Variants in PPARGC1A observed in about 807,000 individuals in gnomAD.
PPARGC1A encodes the protein peroxisome proliferator-activated receptor gamma coactivator 1-alpha.
A neutral mutation model predicts 88.7 loss-of-function variants in PPARGC1A; 25 were observed. The ratio of observed to expected loss-of-function variants is 0.28; its 90% CI spans 0.21 to 0.39. The LOEUF (loss-of-function observed/expected upper bound fraction) is 0.39. Ranked by LOEUF, PPARGC1A falls within the 10% of genes least tolerant of loss-of-function variation. The pLI is 1.00. For synonymous variants in PPARGC1A, 363 were observed against 355.6 expected, an observed-to-expected ratio of 1.02 and a Z score of -0.24; for missense variants, 880 against 968.7, an observed-to-expected ratio of 0.91 and a Z score of 1.22.
chr4:24,184,643 T>C, the PPARGC1A span, among the ~76,000 whole-genome samples: 2 of 152,208 alleles, frequency 1.3e-5, no homozygotes, highest in Admixed American at 1.3e-4. Context: ...GTGAAAGTAA[T>C]GATGCTGCTC....
intron 12 of PPARGC1A, among the ~76,000 whole-genome samples, chr4:23,798,824 T>C (rs1268861042): frequency 3.3e-5 from 5 of 152,174 alleles, no homozygotes; most frequent in Admixed American, 6.6e-5. Flanking sequence ...AAATCTGGGC[T>C]TCACTGTTTT....
the PPARGC1A span, among the ~76,000 whole-genome samples, chr4:24,158,557 T>C: frequency 6.6e-6 from 1 of 152,212 alleles, no homozygotes; most frequent in African/African-American, 2.4e-5. Context: ...AATTATATTG[T>C]AATTAGTCTG....
intron 10 of PPARGC1A, among the ~76,000 whole-genome samples, chr4:23,809,497 G>A (rs1720470596): frequency 6.6e-6 from 1 of 151,848 alleles, no homozygotes; most frequent in African/African-American, 2.4e-5. Flanking sequence ...TTCTTTTTTA[G>A]AGACTTAGTA....
At chr4:24,285,951 T>TA in the PPARGC1A span, among the ~76,000 whole-genome samples, 90 of 152,306 alleles carry the variant, frequency 5.9e-4, no homozygotes, top group African/African-American at 1.9e-3. Flanking sequence ...GCGAAACTAT[T>TA]AAGCCACAGT....
the PPARGC1A span, chr4:24,091,572 G>A: frequency 1.6e-5 from 16 of 985,208 alleles, no homozygotes; most frequent in Middle Eastern, 5.2e-4. Context: ...ATTCGCCAGC[G>A]GCTGTTACTC....
At chr4:24,391,449 G>A in the PPARGC1A span, among the ~76,000 whole-genome samples, 5 of 152,064 alleles carry the variant, frequency 3.3e-5, no homozygotes, top group Non-Finnish European at 7.4e-5. Context: ...AACTGAAAAA[G>A]GCTTTGTTGA....
the PPARGC1A span, among the ~76,000 whole-genome samples, chr4:24,284,089 C>A: frequency 2.7e-4 from 41 of 150,102 alleles, no homozygotes; most frequent in African/African-American, 8.4e-4. Context: ...TCAAAACCAG[C>A]CTGGCCAACA....
At chr4:23,805,926 G>A (rs1719724248) in intron 10 of PPARGC1A, among the ~76,000 whole-genome samples, 2 of 152,136 alleles carry the variant, frequency 1.3e-5, no homozygotes, top group Admixed American at 1.3e-4. Context: ...CCCATATGCA[G>A]ACATACTGGG....
intron 12 of PPARGC1A, among the ~76,000 whole-genome samples, chr4:23,799,095 AT>A (rs1718170172): frequency 1.3e-5 from 2 of 152,162 alleles, no homozygotes; most frequent in Non-Finnish European, 2.9e-5. Flanking sequence ...TTGCTTTACT[AT>A]TGTGACATAT....
chr4:24,115,596 C>T, the PPARGC1A span, among the ~76,000 whole-genome samples: 2 of 152,242 alleles, frequency 1.3e-5, no homozygotes, highest in East Asian at 1.9e-4. Context: ...CCATTAAAAT[C>T]GAATGCAAGA....
chr4:24,077,083 A>G, the PPARGC1A span, among the ~76,000 whole-genome samples: 5 of 152,062 alleles, frequency 3.3e-5, no homozygotes, highest in Non-Finnish European at 7.4e-5. Flanking sequence ...AAATCAGACA[A>G]CAGATCAGTT....
chr4:24,272,528 C>G, the PPARGC1A span, among the ~76,000 whole-genome samples: 1 of 152,134 alleles, frequency 6.6e-6, no homozygotes, highest in Admixed American at 6.5e-5. Context: ...AAGAAAAAAT[C>G]TTGTGTGAAA....
the PPARGC1A span, among the ~76,000 whole-genome samples, chr4:24,308,117 C>A: frequency 6.6e-6 from 1 of 151,836 alleles, no homozygotes; most frequent in Non-Finnish European, 1.5e-5. Context: ...CATGATTAAA[C>A]CCCATCTGTA....
At chr4:23,935,451 T>C in the PPARGC1A span, among the ~76,000 whole-genome samples, 30,891 of 152,154 alleles carry the variant, frequency 0.2, 3,973 homozygotes, top group East Asian at 0.38. Flanking sequence ...AGGTACTTTT[T>C]TTCCTAGCTG....
the PPARGC1A span, among the ~76,000 whole-genome samples, chr4:24,166,589 T>G: frequency 6.6e-6 from 1 of 152,184 alleles, no homozygotes; most frequent in Non-Finnish European, 1.5e-5. Flanking sequence ...ATTTACCATT[T>G]CAGAAATCCT....
At chr4:24,286,570 C>CA in the PPARGC1A span, among the ~76,000 whole-genome samples, 4 of 152,152 alleles carry the variant, frequency 2.6e-5, no homozygotes, top group Non-Finnish European at 4.4e-5. Flanking sequence ...CATCCAAGCC[C>CA]AAGGACCAGC....
the PPARGC1A span, among the ~76,000 whole-genome samples, chr4:24,244,813 C>T: frequency 4.6e-5 from 7 of 152,234 alleles, no homozygotes; most frequent in South Asian, 1.0e-3. Flanking sequence ...TTAATAGAAC[C>T]GTAGTCAAGA....
At chr4:23,923,254 C>G in the PPARGC1A span, among the ~76,000 whole-genome samples, 2 of 151,824 alleles carry the variant, frequency 1.3e-5, no homozygotes, top group African/African-American at 4.8e-5. Context: ...AGGTATGGAA[C>G]TGTGTTGAGG....
the PPARGC1A span, among the ~76,000 whole-genome samples, chr4:24,280,972 C>A: frequency 6.6e-6 from 1 of 152,172 alleles, no homozygotes; most frequent in Non-Finnish European, 1.5e-5. Context: ...CTGGAGAAGC[C>A]CAGCATGTTT....
Sources: gnomAD v4.1 joint callset for allele counts (sites outside exome capture counted in the v4.1 genomes callset) on GRCh38, gnomAD v4.1.1 for gene constraint, MANE v1.5 for transcripts, NCBI Gene and HGNC (gene_info 2026-07-23, HGNC 2026-07-21) for gene names.